FUBP3: variants seen among roughly 807,000 people sequenced by gnomAD.
The protein encoded by FUBP3 is far upstream element binding protein 3.
A neutral mutation model predicts 85.6 loss-of-function variants in FUBP3; 28 were observed. That is an observed-to-expected ratio of 0.33 (90% CI 0.24 to 0.45). The LOEUF is 0.45. Among genes scored for constraint, FUBP3 ranks in the 20% least tolerant of loss-of-function variants. The pLI is 1.00. For synonymous variants in FUBP3, 271 were observed against 271.4 expected (o/e 1.00, Z 0.01); for missense variants, 583 against 755.1 (o/e 0.77, Z 2.67).
chr9:130,623,519 C>T (rs994806774), intron 10 of FUBP3, 92 bp from the exon 11 acceptor site: 14 of 842,946 alleles, frequency 1.7e-5, no homozygotes, highest in East Asian at 7.4e-5. Flanking sequence ...TTTGGCACCG[C>T]GGGTGAGAAT....
chr9:130,580,011 G>C (rs1377174667), intron 1 of FUBP3, among the ~76,000 whole-genome samples: 1 of 152,244 alleles, frequency 6.6e-6, no homozygotes, highest in African/African-American at 2.4e-5. Context: ...TTTGCTTAGA[G>C]CGTCTGGCCC....
chr9:130,624,827 C>T (rs901792744), intron 11 of FUBP3, among the ~76,000 whole-genome samples: 14 of 152,106 alleles, frequency 9.2e-5, no homozygotes, highest in African/African-American at 3.1e-4. Flanking sequence ...GTGGCTCACT[C>T]TTGTACCCAG....
intron 14 of FUBP3, 128 bp from the exon 15 acceptor site, chr9:130,631,814 G>T (rs1400294187): frequency 3.6e-6 from 3 of 843,300 alleles, no homozygotes; most frequent in Admixed American, 1.9e-5. Flanking sequence ...CAGCGATGGG[G>T]TGGGAGCCTC....
rs1564212412 is a variant in FUBP3, at chr9:130,617,867, G to A, written c.638G>A (p.Arg213His). ...PLPTGADKPL[R>H]ITGDAFKVQQ... ...CCCACGGGAGCAGACAAGCCTCTTC[G>A]TATCACTGGAGATGCATTTAAAGTA... The change falls in exon 8 of 19, where the codon CGT becomes CAT. Residue 213 changes from arginine to histidine, a missense_variant. Physicochemically the swap from Arg to His is conservative, Grantham distance 29 (BLOSUM62 0). Transcript: ENST00000319725. 6 of 1,600,386 alleles carry A rather than the reference G, an allele frequency of 3.7e-6. No individual in the cohort carries two copies. The highest frequency in any genetic ancestry group is 2.2e-5 in the East Asian group (1 of 44,806).
chr9:130,585,470 G>A (rs889378078), intron 1 of FUBP3, among the ~76,000 whole-genome samples: 3 of 152,224 alleles, frequency 2.0e-5, no homozygotes, highest in African/African-American at 7.2e-5. Flanking sequence ...GTAAGCCGAT[G>A]CATGACCTTG....
At chr9:130,628,558 T>C (rs1830086419) in intron 12 of FUBP3, among the ~76,000 whole-genome samples, 1 of 152,132 alleles carries the variant, frequency 6.6e-6, no homozygotes, top group African/African-American at 2.4e-5. Flanking sequence ...CTCACCTTAT[T>C]AGCATGTTCC....
At chr9:130,621,173 GA>G (rs1298770762) in intron 9 of FUBP3, among the ~76,000 whole-genome samples, 3 of 151,962 alleles carry the variant, frequency 2.0e-5, no homozygotes, top group East Asian at 1.9e-4. Flanking sequence ...AAAAATGAAG[GA>G]AAAAAATGCA....
At position 130,626,389 on chromosome 9, in the gene FUBP3, C is replaced by T; in HGVS notation, c.1001C>T (p.Ala334Val). 1.2e-6 allele frequency: 2 copies of T among 1,613,534 alleles called. No homozygotes were observed. The highest frequency in any genetic ancestry group is 1.7e-6 in the Non-Finnish European group (2 of 1,179,782). Reference protein sequence around the residue: ...AQERDGFGGLAAARGRGRGRG... With the variant: ...AQERDGFGGLVAARGRGRGRG... The stretch of plus-strand genomic sequence containing the variant: ...GAAAGAGACGGCTTTGGAGGCCTGG[C>T]AGCAGCCAGAGGAAGAGGTCGTGGC... Residue 334 changes from alanine to valine, a missense_variant, in exon 12 of 19, where the codon GCA becomes GTA. By Grantham distance (64) the Ala-to-Val change is moderately conservative. This residue lies in a region of FUBP3 where 404 missense variants were observed against 516.8 expected (regional missense o/e 0.78). Transcript: ENST00000319725.
chr9:130,614,089 A>T (rs1831880255), intron 5 of FUBP3, among the ~76,000 whole-genome samples, 199 bp from the exon 6 acceptor site: 2 of 152,220 alleles, frequency 1.3e-5, no homozygotes, highest in South Asian at 4.1e-4. Context: ...CCCCTGTGGG[A>T]CTTGTTTCTA....
chr9:130,600,254 G>A (rs1385466734), intron 2 of FUBP3, among the ~76,000 whole-genome samples: 4 of 151,948 alleles, frequency 2.6e-5, no homozygotes, highest in African/African-American at 9.7e-5. Context: ...CGCGGTTACT[G>A]GGTCCCGCTG....
chr9:130,585,976 T>G (rs1476548368), intron 1 of FUBP3, among the ~76,000 whole-genome samples: 3 of 152,176 alleles, frequency 2.0e-5, no homozygotes, highest in African/African-American at 7.2e-5. Context: ...GCATTTGGAG[T>G]TTTATTATAA....
intron 1 of FUBP3, among the ~76,000 whole-genome samples, chr9:130,589,695 ATATATATATATT>A (rs1156494136): frequency 1.0e-4 from 3 of 29,992 alleles, no homozygotes; most frequent in African/African-American, 3.0e-4. Flanking sequence ...ATATATATAT[ATATATATATATT>A]TTTTTTTTTT....
At chr9:130,594,329 T>A (rs1273875078) in intron 1 of FUBP3, among the ~76,000 whole-genome samples, 1 of 152,086 alleles carries the variant, frequency 6.6e-6, no homozygotes, top group Non-Finnish European at 1.5e-5. Flanking sequence ...ATGCTTGTAA[T>A]CCCAGCACTT....
At chr9:130,630,508 AG>A in intron 12 of FUBP3, 119 bp from the exon 13 acceptor site, 2 of 685,266 alleles carry the variant, frequency 2.9e-6, no homozygotes, top group Non-Finnish European at 2.3e-6. Flanking sequence ...CTCTACTGTC[AG>A]GGCAAGTGCC....
rs1830440418 is a variant in FUBP3, at chr9:130,636,882, G to C, written c.1711-132G>C. 3.9e-6 allele frequency: 3 copies of C among 763,238 alleles called. No homozygotes were observed. The Admixed American group carries it at 5.7e-5, about 15-fold the overall frequency. 47.3% of individuals were successfully genotyped at this position (763,238 alleles called of 1,614,324 possible). Reference sequence around the variant, plus strand: ...CTGCCCCAAGTCCCTAGTGGAGAGAGAAGCCCAAGACCTCTTCAGCAGAGG... The same window carrying C: ...CTGCCCCAAGTCCCTAGTGGAGAGACAAGCCCAAGACCTCTTCAGCAGAGG... On this transcript the variant is annotated intron_variant, in intron 18 of 18. Coordinates refer to ENST00000319725, the MANE Select transcript of FUBP3 (RefSeq NM_003934.2).
chr9:130,632,895 C>T (rs59171970), intron 16 of FUBP3, among the ~76,000 whole-genome samples: 2,956 of 152,380 alleles, frequency 0.019, 126 homozygotes, highest in East Asian at 0.18. Context: ...TCTGGCATGG[C>T]CTTCACAAAG....
intron 1 of FUBP3, among the ~76,000 whole-genome samples, chr9:130,586,975 T>A (rs928220229): frequency 1.3e-5 from 2 of 151,868 alleles, no homozygotes; most frequent in Non-Finnish European, 2.9e-5. Context: ...GGTCTCAAAC[T>A]CCTGACCTTG....
chr9:130,594,837 T>C (rs1830787565), intron 1 of FUBP3, among the ~76,000 whole-genome samples: 1 of 151,514 alleles, frequency 6.6e-6, no homozygotes, highest in African/African-American at 2.4e-5. Flanking sequence ...AAAGTTAAAC[T>C]TTTTGAAGAA....
chr9:130,633,774 C>G (rs1191996824), intron 16 of FUBP3, among the ~76,000 whole-genome samples: 2 of 152,206 alleles, frequency 1.3e-5, no homozygotes, highest in African/African-American at 4.8e-5. Context: ...GTCTCCTTCC[C>G]TCCTTCCTCC....
Sources: allele counts gnomAD v4.1 joint callset (sites outside exome capture counted in the v4.1 genomes callset), GRCh38; gene constraint gnomAD v4.1.1; regional missense constraint gnomAD v4.1.1; transcripts MANE v1.5; gene names NCBI Gene and HGNC (gene_info 2026-07-23, HGNC 2026-07-21).